GALNTL6: variants seen among roughly 807,000 people sequenced by gnomAD.
The protein encoded by GALNTL6 is polypeptide N-acetylgalactosaminyltransferase-like 6.
Under a neutral mutation model 73.7 loss-of-function variants are expected in GALNTL6, and 46 were observed. The ratio of observed to expected loss-of-function variants is 0.62; its 90% confidence interval spans 0.49 to 0.80. The LOEUF is 0.80. Ranked by LOEUF, GALNTL6 falls within the 30% of genes least tolerant of loss-of-function variation. The pLI is 0.00. For synonymous variants in GALNTL6, 259 were observed against 263.7 expected (o/e 0.98, Z 0.17); for missense variants, 604 against 755.0 (o/e 0.80, Z 2.34).
chr4:172,383,292 AC>A (rs1261279445), intron 5 of GALNTL6, among the ~76,000 whole-genome samples: 1 of 152,036 alleles, frequency 6.6e-6, no homozygotes, highest in Non-Finnish European at 1.5e-5. Flanking sequence ...ACTTTTTTCA[AC>A]AAAATTTGTA....
At chr4:172,861,433 A>C (rs959399348) in intron 7 of GALNTL6, among the ~76,000 whole-genome samples, 2 of 152,040 alleles carry the variant, frequency 1.3e-5, no homozygotes, top group African/African-American at 4.8e-5. Flanking sequence ...CCAGGTATAG[A>C]TCATAAGGAC....
At position 172,245,587 on chromosome 4, in the gene GALNTL6, AG is replaced by A. The variant is rs1737630979; in HGVS notation, c.247+15826del. Among the ~76,000 whole-genome samples the A allele has an allele frequency of 2.6e-5, 4 of 152,294 alleles. No homozygotes were observed. The South Asian group carries it at 8.3e-4, about 32-fold the overall frequency. The stretch of plus-strand genomic sequence containing the variant: ...TTTACAGAGAGTCTCCCATGATTTG[AG>A]GGACTGTGATTCATTCAAGCCCAGA... On this transcript the variant is annotated intron_variant, in intron 3 of 12. Transcript: ENST00000506823.
intron 3 of GALNTL6, among the ~76,000 whole-genome samples, chr4:172,294,841 G>A (rs894308885): frequency 6.6e-6 from 1 of 152,032 alleles, no homozygotes; most frequent in Non-Finnish European, 1.5e-5. Context: ...TACAAAATTA[G>A]GAAATAAAAG....
At chr4:172,026,129 G>A (rs183103255) in intron 2 of GALNTL6, among the ~76,000 whole-genome samples, 11 of 151,854 alleles carry the variant, frequency 7.2e-5, no homozygotes, top group South Asian at 2.1e-4. Context: ...AAGTATACAC[G>A]AATCATGTAA....
chr4:172,370,874 A>C (rs928617397), intron 5 of GALNTL6, among the ~76,000 whole-genome samples: 19 of 152,098 alleles, frequency 1.2e-4, no homozygotes, highest in Non-Finnish European at 2.5e-4. Flanking sequence ...AGATTTCGTT[A>C]TTTCTTGCAA....
Position 172,183,698 on chromosome 4 carries a change from T to A in GALNTL6, c.139-45958T>A, listed in dbSNP as rs142388493. On this transcript the variant is annotated intron_variant, in intron 2 of 12. Transcript: ENST00000506823. ...GACTGCCTATTCCTCTTACAAGGAA[T>A]AAACATTTGTTGAGAGAAAATTTTC... 4.4e-3 allele frequency among the ~76,000 whole-genome samples: 669 copies of A among 152,246 alleles called. 6 individuals carry two copies. Among genetic ancestry groups the A allele is most frequent in the African/African-American group, 0.015 (639 of 41,570 alleles).
chr4:172,781,712 G>GT (rs1324890946), intron 5 of GALNTL6, among the ~76,000 whole-genome samples: 1 of 151,922 alleles, frequency 6.6e-6, no homozygotes, highest in African/African-American at 2.4e-5. Context: ...TTTTCCAAAG[G>GT]TTTTTTAATC....
intron 5 of GALNTL6, chr4:172,666,966 C>T: frequency 6.6e-6 from 1 of 152,228 alleles, no homozygotes; most frequent in East Asian, 1.9e-4. Flanking sequence ...CAGAGAAAAG[C>T]AGGCAACTGG....
chr4:172,279,719 C>T (rs1738974338), intron 3 of GALNTL6, among the ~76,000 whole-genome samples: 1 of 152,068 alleles, frequency 6.6e-6, no homozygotes, highest in African/African-American at 2.4e-5. Flanking sequence ...AACAATTCCA[C>T]TTCTGAATAT....
At position 172,454,968 on chromosome 4, in the gene GALNTL6, A is replaced by T. The variant is rs180940112; in HGVS notation, c.553+106279A>T. On this transcript the variant is annotated intron_variant, in intron 5 of 12. Coordinates refer to ENST00000506823, the MANE Select transcript of GALNTL6 (RefSeq NM_001034845.3). ...GCTCCAGTCTGCAGCTCCCAGCAAG[A>T]TCAATGCAGAAGGCAGGTGATTTCT... Among the ~76,000 whole-genome samples the T allele has an allele frequency of 1.2e-4, 18 of 152,280 alleles. No homozygotes were observed. In the East Asian group the frequency reaches 3.5e-3, roughly 30 times the overall value.
At chr4:172,593,608 C>G (rs1737735152) in intron 5 of GALNTL6, among the ~76,000 whole-genome samples, 1 of 151,540 alleles carries the variant, frequency 6.6e-6, no homozygotes, top group Non-Finnish European at 1.5e-5. Context: ...TGGATATTAA[C>G]CTATGTTATC....
intron 2 of GALNTL6, among the ~76,000 whole-genome samples, chr4:171,921,567 A>T (rs1462668138): frequency 2.0e-5 from 3 of 152,148 alleles, no homozygotes; most frequent in African/African-American, 7.2e-5. Context: ...ATATGAAAAG[A>T]TTATTGTATC....
At chr4:172,814,827 G>A (rs1428278269) in intron 7 of GALNTL6, among the ~76,000 whole-genome samples, 1 of 152,084 alleles carries the variant, frequency 6.6e-6, no homozygotes, top group Non-Finnish European at 1.5e-5. Flanking sequence ...TTCAGAAGAC[G>A]TTAGCCTGAT....
chr4:172,743,858 A>G (rs1057359637), intron 5 of GALNTL6, among the ~76,000 whole-genome samples: 10 of 152,016 alleles, frequency 6.6e-5, no homozygotes, highest in Non-Finnish European at 1.3e-4. Context: ...ATCTATTGTC[A>G]TCCTCCAAGA....
intron 5 of GALNTL6, among the ~76,000 whole-genome samples, chr4:172,574,631 C>A (rs1176699389): frequency 6.6e-6 from 1 of 151,440 alleles, no homozygotes; most frequent in Admixed American, 6.6e-5. Context: ...TAACAAACAA[C>A]CAGCAACAAC....
intron 2 of GALNTL6, among the ~76,000 whole-genome samples, chr4:172,182,825 T>G (rs1318901912): frequency 1.3e-5 from 2 of 152,172 alleles, no homozygotes; most frequent in Admixed American, 1.3e-4. Context: ...TTGATATTTA[T>G]AAAATATACT....
chr4:172,497,558 A>C lies in GALNTL6; in HGVS notation c.553+148869A>C, dbSNP rs150175414. The stretch of plus-strand genomic sequence containing the variant: ...TCCACAGTGTGTGACTTGAAGCATC[A>C]GAAGTGTCAGTCTTATTATTAGGTC... On this transcript the variant is annotated intron_variant, in intron 5 of 12. Coordinates refer to ENST00000506823, the MANE Select transcript of GALNTL6 (RefSeq NM_001034845.3). Among the ~76,000 whole-genome samples, 18 of 152,362 alleles carry C rather than the reference A, an allele frequency of 1.2e-4. No homozygotes were observed. The East Asian group carries it at 3.5e-3, about 29-fold the overall frequency.
Position 171,957,656 on chromosome 4 carries a change from T to C in GALNTL6, c.138+142938T>C, listed in dbSNP as rs1040190624. Reference sequence around the variant, plus strand: ...TATATTAATTAGGAATTCTAACTCTTTAATTTATCTTAACCTCTGTCTACC... The same window carrying C: ...TATATTAATTAGGAATTCTAACTCTCTAATTTATCTTAACCTCTGTCTACC... On this transcript the variant is annotated intron_variant, in intron 2 of 12. Transcript: ENST00000506823. Among the ~76,000 whole-genome samples the C allele has an allele frequency of 3.3e-5, 5 of 152,300 alleles. No homozygotes were observed. The East Asian group carries it at 9.6e-4, about 29-fold the overall frequency.
chr4:172,263,421 C>A (rs1016312616), intron 3 of GALNTL6, among the ~76,000 whole-genome samples: 1 of 151,410 alleles, frequency 6.6e-6, no homozygotes, highest in Admixed American at 6.6e-5. Flanking sequence ...TTTAAACTTT[C>A]CAGTGCAGTT....
Sources: gnomAD v4.1 joint callset for allele counts (sites outside exome capture counted in the v4.1 genomes callset) on GRCh38, gnomAD v4.1.1 for gene constraint, MANE v1.5 for transcripts, NCBI Gene and HGNC (gene_info 2026-07-23, HGNC 2026-07-21) for gene names.